LINGO2: variants seen among roughly 807,000 people sequenced by gnomAD.
LINGO2 encodes leucine rich repeat and Ig domain containing 2, also known as leucine-rich repeat and immunoglobulin-like domain-containing nogo receptor-interacting protein 2.
Under a neutral mutation model 30.6 loss-of-function variants are expected in LINGO2, and 14 were observed. The observed-to-expected ratio is 0.46, with a 90% CI of 0.30 to 0.72. The LOEUF (loss-of-function observed/expected upper bound fraction) is 0.72, where lower values mean the gene tolerates loss of function less well. Among genes scored for constraint, LINGO2 ranks in the 30% least tolerant of loss-of-function variants. LINGO2 has a pLI of 0.07. For synonymous variants in LINGO2, 317 were observed against 288.5 expected (o/e 1.10, Z -1.00); for missense variants, 729 against 751.7 (o/e 0.97, Z 0.35).
chr9:28,879,563 C>G, the LINGO2 span, among the ~76,000 whole-genome samples: 1 of 152,126 alleles, frequency 6.6e-6, no homozygotes, highest in Non-Finnish European at 1.5e-5. Context: ...TTTTTCCAGT[C>G]ATTCTCACAT....
chr9:28,293,159 G>C (rs1484814994), intron 4 of LINGO2, among the ~76,000 whole-genome samples: 1 of 151,942 alleles, frequency 6.6e-6, no homozygotes, highest in Non-Finnish European at 1.5e-5. Flanking sequence ...ATGCAGTAGT[G>C]CTATCATAGC....
chr9:29,110,324 T>TTTTG, the LINGO2 span, among the ~76,000 whole-genome samples: 15 of 151,930 alleles, frequency 9.9e-5, no homozygotes, highest in Non-Finnish European at 1.9e-4. Flanking sequence ...ACAGCTACAG[T>TTTTG]TTTGTTTGTT....
chr9:28,381,061 C>A (rs75149025), intron 2 of LINGO2, among the ~76,000 whole-genome samples: 2,901 of 152,116 alleles, frequency 0.019, 51 homozygotes, highest in East Asian at 0.056. Context: ...GTGAAATCCA[C>A]CATTGGTTGG....
At chr9:28,747,794 G>A in the LINGO2 span, among the ~76,000 whole-genome samples, 1 of 152,100 alleles carries the variant, frequency 6.6e-6, no homozygotes, top group Non-Finnish European at 1.5e-5. Flanking sequence ...TTTATTGGAT[G>A]AAGCCCAATT....
the LINGO2 span, among the ~76,000 whole-genome samples, chr9:29,080,418 T>TA: frequency 2.0e-5 from 3 of 152,128 alleles, no homozygotes; most frequent in African/African-American, 7.2e-5. Context: ...GATTTTTTTT[T>TA]AAGGATTTTT....
the LINGO2 span, among the ~76,000 whole-genome samples, chr9:29,156,599 C>T: frequency 0.014 from 2,054 of 152,118 alleles, 30 homozygotes; most frequent in Middle Eastern, 0.034. Flanking sequence ...AGTTTTTATG[C>T]CACTATGTTT....
chr9:27,966,265 A>T (rs1302055062), intron 5 of LINGO2, among the ~76,000 whole-genome samples: 1 of 152,182 alleles, frequency 6.6e-6, no homozygotes, highest in African/African-American at 2.4e-5. Flanking sequence ...AGCTGAAAAC[A>T]AAGGAGGTAA....
intron 1 of LINGO2, among the ~76,000 whole-genome samples, chr9:28,572,767 C>T (rs1277283517): frequency 6.6e-6 from 1 of 152,122 alleles, no homozygotes; most frequent in Non-Finnish European, 1.5e-5. Context: ...ATATTAGACT[C>T]ATATCTGAAT....
rs564665014 is a variant in LINGO2, at chr9:28,306,429, G to C, written c.-245-11063C>G. Among the ~76,000 whole-genome samples the C allele has an allele frequency of 7.9e-4, 121 of 152,286 alleles. 1 individual carries two copies. The highest frequency in any genetic ancestry group is 6.8e-3 in the Middle Eastern group (2 of 294). On this transcript the variant is annotated intron_variant, in intron 3 of 5. Transcript: ENST00000379992. ...GAATCTCTGGGACACAGTCAAAACAGTGTGTAGAGGGAAATTTATAGCACT... is the reference window on the plus strand; with the variant it reads ...GAATCTCTGGGACACAGTCAAAACACTGTGTAGAGGGAAATTTATAGCACT...
the LINGO2 span, among the ~76,000 whole-genome samples, chr9:28,756,614 CAT>C: frequency 9.9e-5 from 15 of 151,948 alleles, no homozygotes; most frequent in Non-Finnish European, 2.2e-4. Flanking sequence ...ATGATCCCCA[CAT>C]GTCAAGGGAG....
intron 4 of LINGO2, among the ~76,000 whole-genome samples, chr9:28,239,369 T>C (rs1008254799): frequency 6.6e-6 from 1 of 152,114 alleles, no homozygotes; most frequent in Admixed American, 6.5e-5. Flanking sequence ...CTGATGAATA[T>C]TGATTCAAAA....
At chr9:28,927,601 G>A in the LINGO2 span, among the ~76,000 whole-genome samples, 2 of 152,130 alleles carry the variant, frequency 1.3e-5, no homozygotes, top group South Asian at 4.1e-4. Context: ...CTGCTGTAAG[G>A]ATTATATGAG....
intron 1 of LINGO2, among the ~76,000 whole-genome samples, chr9:28,494,770 C>T (rs539492969): frequency 6.6e-6 from 1 of 152,288 alleles, no homozygotes; most frequent in African/African-American, 2.4e-5. Context: ...ATTTCTAGTT[C>T]TAGATCCTTG....
At chr9:29,075,756 C>T in the LINGO2 span, among the ~76,000 whole-genome samples, 6 of 151,962 alleles carry the variant, frequency 3.9e-5, no homozygotes, top group South Asian at 8.3e-4. Context: ...CAAAGGCTAG[C>T]AGAAAACAAA....
At chr9:29,079,220 T>A in the LINGO2 span, among the ~76,000 whole-genome samples, 8 of 151,976 alleles carry the variant, frequency 5.3e-5, no homozygotes, top group African/African-American at 1.9e-4. Flanking sequence ...TTTCTCACCT[T>A]GTATTCCTTC....
chr9:28,628,897 C>G (rs1826808398), intron 1 of LINGO2, among the ~76,000 whole-genome samples: 1 of 152,012 alleles, frequency 6.6e-6, no homozygotes, highest in Non-Finnish European at 1.5e-5. Flanking sequence ...AATACTTAAC[C>G]AGCTCCTAAG....
the LINGO2 span, among the ~76,000 whole-genome samples, chr9:28,975,675 C>T: frequency 1.3e-5 from 2 of 152,090 alleles, no homozygotes; most frequent in African/African-American, 4.8e-5. Flanking sequence ...GGCTCTAATA[C>T]CTTTTCATCA....
chr9:28,845,351 C>T, the LINGO2 span, among the ~76,000 whole-genome samples: 1 of 151,836 alleles, frequency 6.6e-6, no homozygotes, highest in Non-Finnish European at 1.5e-5. Context: ...AGTAAATTCT[C>T]TAGCATCCAT....
At chr9:28,554,864 A>G (rs1250684076) in intron 1 of LINGO2, among the ~76,000 whole-genome samples, 2 of 142,260 alleles carry the variant, frequency 1.4e-5, no homozygotes, top group African/African-American at 2.8e-5. Flanking sequence ...ACTCAACTAC[A>G]TGGAAACTGA....
Sources: allele counts gnomAD v4.1 joint callset (sites outside exome capture counted in the v4.1 genomes callset), GRCh38; gene constraint gnomAD v4.1.1; transcripts MANE v1.5; gene names NCBI Gene and HGNC (gene_info 2026-07-23, HGNC 2026-07-21).